The following HYDIN variants were observed in gnomAD, a reference collection of about 807,000 sequenced individuals.
HYDIN encodes the protein HYDIN axonemal central pair apparatus protein.
Under a neutral mutation model 403.9 loss-of-function variants are expected in HYDIN, and 132 were observed. The ratio of observed to expected loss-of-function variants is 0.33; its 90% CI spans 0.28 to 0.38. The LOEUF (loss-of-function observed/expected upper bound fraction) is 0.38. HYDIN is among the 10% of genes least tolerant of loss of function. The pLI is 1.00. For missense variants in HYDIN, 2,827 were observed against 5,009.5 expected (o/e 0.56, Z 13.15); for synonymous variants, 1,202 against 1,891.7 (o/e 0.64, Z 9.46).
intron 41 of HYDIN, among the ~76,000 whole-genome samples, chr16:70,948,386 C>G (rs1044567675): frequency 9.7e-4 from 147 of 152,074 alleles, no homozygotes; most frequent in Non-Finnish European, 1.4e-3. Context: ...CCATTCAGGA[C>G]ATAGGCATGG....
At chr16:70,917,402 T>A (rs1313529909) in intron 47 of HYDIN, among the ~76,000 whole-genome samples, 1 of 152,332 alleles carries the variant, frequency 6.6e-6, no homozygotes, top group African/African-American at 2.4e-5. Flanking sequence ...CCAATTTACA[T>A]GTAAGCAGGA....
At position 70,840,165 on chromosome 16, in the gene HYDIN, G is replaced by A; in HGVS notation, c.12942C>T (p.Ser4314=). ...AGGTCCCAAAGTTGTAGCTGGTGAA[G>A]GAGAAATGGATAGCCGGGCTCACAG... ...GCAVSPAIHF[S]FTSYNFGTCF... is the part of the protein sequence containing the mutation. The change falls in exon 76 of 86, where the codon TCC becomes TCT. Residue 4314 remains serine (S), a synonymous_variant. Coordinates refer to ENST00000393567, the MANE Select transcript of HYDIN (RefSeq NM_001270974.2). 1 of 925,508 alleles carries A rather than the reference G, an allele frequency of 1.1e-6. No homozygotes were observed. The allele number at this position is 925,508 out of a possible 1,614,324, so 57.3% of individuals were successfully genotyped here.
At chr16:71,027,508 C>T in intron 20 of HYDIN, 94 bp downstream of exon 20, 1 of 1,541,120 alleles carries the variant, frequency 6.5e-7, no homozygotes, top group Non-Finnish European at 8.7e-7. Context: ...CATATCCTTC[C>T]TCAGATAAAT....
In HYDIN at chr16:70,974,540, C is replaced by G; in HGVS notation, c.4903G>C (p.Glu1635Gln). The G allele has an allele frequency of 1.2e-6, 2 of 1,607,924 alleles. No individual in the cohort carries two copies. Among genetic ancestry groups the G allele is most frequent in the Admixed American group, 3.4e-5 (2 of 58,634 alleles). Reference sequence around the variant, plus strand: ...GTCTCCCCAGCCTGGGTACCTGTCTCATGAAGGACACGCTTGTCTGCATGG... The same window carrying G: ...GTCTCCCCAGCCTGGGTACCTGTCTGATGAAGGACACGCTTGTCTGCATGG... ...SFHADKRVLH[E>Q]TGFSTELDRV... Residue 1635 changes from glutamate to glutamine, a missense_variant, in exon 32 of 86, where the codon GAG becomes CAG. Physicochemically the swap from Glu to Gln is conservative, Grantham distance 29 (BLOSUM62 2). Transcript: ENST00000393567.
At chr16:70,821,562 A>G (rs1257354375) in intron 83 of HYDIN, among the ~76,000 whole-genome samples, 1 of 152,012 alleles carries the variant, frequency 6.6e-6, no homozygotes, top group Non-Finnish European at 1.5e-5. Flanking sequence ...AGCCATTGTT[A>G]TCGCTGTCCC....
At chr16:70,864,008 C>CAGAAAA (rs1243346491) in intron 67 of HYDIN, among the ~76,000 whole-genome samples, 2 of 150,876 alleles carry the variant, frequency 1.3e-5, no homozygotes, top group Non-Finnish European at 3.0e-5. Context: ...TCAGCAGAGG[C>CAGAAAA]TTTTCCTGCC....
chr16:71,057,347 T>C (rs1182070091), intron 18 of HYDIN, among the ~76,000 whole-genome samples: 3 of 151,922 alleles, frequency 2.0e-5, no homozygotes, highest in Non-Finnish European at 4.4e-5. Flanking sequence ...CATATGTGAA[T>C]GTGGCTGCCT....
At chr16:71,021,186 T>G (rs1189591386) in intron 21 of HYDIN, among the ~76,000 whole-genome samples, 1 of 151,914 alleles carries the variant, frequency 6.6e-6, no homozygotes, top group African/African-American at 2.4e-5. Flanking sequence ...AGAAGTATCT[T>G]TTTACTCTGT....
At chr16:71,229,745 A>AG (rs2144784483) in intron 1 of HYDIN, among the ~76,000 whole-genome samples, 1 of 152,366 alleles carries the variant, frequency 6.6e-6, no homozygotes, top group East Asian at 1.9e-4. Flanking sequence ...GAAGTGGGGA[A>AG]GGGGCATTGA....
chr16:71,087,861 C>A (rs1382631413), intron 12 of HYDIN: 1 of 154,176 alleles, frequency 6.5e-6, no homozygotes, highest in South Asian at 2.0e-4. Flanking sequence ...AACGTGTTTA[C>A]AATGCTTGGA....
intron 9 of HYDIN, among the ~76,000 whole-genome samples, chr16:71,123,957 T>C (rs1266181484): frequency 3.3e-5 from 5 of 152,122 alleles, no homozygotes; most frequent in African/African-American, 1.2e-4. Context: ...AATTACCCAG[T>C]CTCAGATGTG....
chr16:71,089,761 T>C (rs1361776712), intron 11 of HYDIN, among the ~76,000 whole-genome samples: 1 of 152,166 alleles, frequency 6.6e-6, no homozygotes. Flanking sequence ...CTATTTTAGA[T>C]TCCTGTTTTG....
chr16:71,219,437 C>T (rs1220368911), intron 1 of HYDIN, among the ~76,000 whole-genome samples: 1 of 152,042 alleles, frequency 6.6e-6, no homozygotes, highest in East Asian at 1.9e-4. Flanking sequence ...AGGAAGACCA[C>T]CACTTTAAGA....
At chr16:70,946,621 C>T (rs141760125) in intron 41 of HYDIN, among the ~76,000 whole-genome samples, 1,843 of 151,966 alleles carry the variant, frequency 0.012, 40 homozygotes, top group African/African-American at 0.042. Flanking sequence ...AGGGAGGGCA[C>T]GAGGTGGGTG....
At chr16:70,948,050 C>T (rs1390479276) in intron 41 of HYDIN, among the ~76,000 whole-genome samples, 6 of 150,814 alleles carry the variant, frequency 4.0e-5, no homozygotes, top group African/African-American at 4.9e-5. Context: ...TACCTGACTT[C>T]AAACTATACT....
intron 84 of HYDIN, among the ~76,000 whole-genome samples, chr16:70,812,876 C>G (rs1458730263): frequency 6.6e-6 from 1 of 152,240 alleles, no homozygotes; most frequent in East Asian, 1.9e-4. Flanking sequence ...AGGGGCTGAC[C>G]TGTGTGACCA....
chr16:71,203,822 T>C (rs970188370), intron 1 of HYDIN: 6 of 455,530 alleles, frequency 1.3e-5, no homozygotes, highest in Non-Finnish European at 2.2e-5. Flanking sequence ...CCCAGCACAT[T>C]GGGAGGCCGA....
rs762457843 is a variant in HYDIN at position 70,837,674 on chromosome 16, C to T, written c.13242+16G>A. On this transcript the variant is annotated intron_variant, in intron 77 of 85. Transcript: ENST00000393567. ...AGGAGGGTGCCACGCCTGAAGGCCTCCCGACTGTCTGTTACCTTCATTTTG... is the reference window on the plus strand; with the variant it reads ...AGGAGGGTGCCACGCCTGAAGGCCTTCCGACTGTCTGTTACCTTCATTTTG... The T allele has an allele frequency of 2.5e-6, 4 of 1,613,648 alleles. No individual in the cohort carries two copies. In the South Asian group the frequency reaches 4.4e-5, roughly 18 times the overall value.
At chr16:71,212,484 TA>T (rs2088646426) in intron 1 of HYDIN, among the ~76,000 whole-genome samples, 1 of 152,172 alleles carries the variant, frequency 6.6e-6, no homozygotes, top group South Asian at 2.1e-4. Context: ...CAAAATGTTA[TA>T]GGGGTAAGTT....
Sources: gnomAD v4.1 joint callset for allele counts (sites outside exome capture counted in the v4.1 genomes callset) on GRCh38, gnomAD v4.1.1 for gene constraint, MANE v1.5 for transcripts, NCBI Gene and HGNC (gene_info 2026-07-23, HGNC 2026-07-21) for gene names.